The following RAB15 variants were observed in gnomAD, a reference collection of about 807,000 sequenced individuals.
RAB15 encodes the protein ras-related protein Rab-15.
RAB15 carries 13 observed loss-of-function variants against 31.8 expected under a neutral mutation model. The ratio of observed to expected loss-of-function variants is 0.41; its 90% CI spans 0.27 to 0.65. RAB15 has a LOEUF of 0.65. RAB15 is among the 30% of genes least tolerant of loss of function. RAB15 has a pLI of 0.32. For missense variants in RAB15, 220 were observed against 277.3 expected (o/e 0.79, Z 1.47); for synonymous variants, 100 against 105.6 (o/e 0.95, Z 0.33).
chr14:64,965,326 G>C (rs1033560088), intron 1 of RAB15, among the ~76,000 whole-genome samples: 5 of 151,976 alleles, frequency 3.3e-5, no homozygotes, highest in Admixed American at 6.6e-5. Flanking sequence ...AGGTGTGGTG[G>C]TGCATGCTTG....
Position 64,954,057 on chromosome 14 carries a change from G to C in RAB15, c.125-1486C>G. The C allele has an allele frequency of 1.0e-6, 1 of 985,414 alleles. No homozygotes were observed. The highest frequency in any genetic ancestry group is 1.2e-6 in the Non-Finnish European group (1 of 829,930). The allele number at this position is 985,414 out of a possible 1,614,324, so 61.0% of individuals were successfully genotyped here. A position where few individuals can be genotyped will look rare whatever the true frequency, so the allele number is the denominator to read the frequency against. ...TCTGTCTCTTCCTTCCCACCATCAA[G>C]ACCAATCATCATTTAATTACAAGGG... On this transcript the variant is annotated intron_variant, in intron 1 of 6. Coordinates refer to ENST00000533601, the MANE Select transcript of RAB15 (RefSeq NM_001308154.2). This position sits in a 1 kb window ranked among gnomAD's most constrained non-coding sequence, Gnocchi z 4.3.
At position 64,951,590 on chromosome 14, in the gene RAB15, T is replaced by C; in HGVS notation, c.246+13A>G. On this transcript the variant is annotated intron_variant, in intron 3 of 6. Coordinates refer to ENST00000533601, the MANE Select transcript of RAB15 (RefSeq NM_001308154.2). The surrounding 1 kb of genome is among the most constrained non-coding windows in gnomAD (Gnocchi z 7.2). The stretch of plus-strand genomic sequence containing the variant: ...CAGCTTCCCACTTTGAAACCCCCAA[T>C]GTGGTGGCTTACCTGGGCCCGCCGA... The C allele has an allele frequency of 1.2e-6, 2 of 1,612,924 alleles. No individual in the cohort carries two copies. The highest frequency in any genetic ancestry group is 8.5e-7 in the Non-Finnish European group (1 of 1,178,936).
rs1217013828 is a variant in RAB15, at chr14:64,953,104, G to A, written c.125-533C>T. Reference sequence around the variant, plus strand: ...ATTGTACCTGAAGCCTCAGCACCCAGCCAAGGCTCACCAAAAAGAAGGCCT... The same window carrying A: ...ATTGTACCTGAAGCCTCAGCACCCAACCAAGGCTCACCAAAAAGAAGGCCT... On this transcript the variant is annotated intron_variant, in intron 1 of 6. Coordinates refer to ENST00000533601, the MANE Select transcript of RAB15 (RefSeq NM_001308154.2). This position sits in a 1 kb window ranked among gnomAD's most constrained non-coding sequence, Gnocchi z 4.6. Among the ~76,000 whole-genome samples the A allele has an allele frequency of 2.0e-5, 3 of 152,168 alleles. No homozygotes were observed. The highest frequency in any genetic ancestry group is 4.4e-5 in the Non-Finnish European group (3 of 68,034).
Position 64,954,575 on chromosome 14 carries a change from C to T in RAB15, c.125-2004G>A. ...AACATTTATGGGAACTTCCTATGTGCCCTGCACAGTGCTCAGTGCAGACAG... is the reference window on the plus strand; with the variant it reads ...AACATTTATGGGAACTTCCTATGTGTCCTGCACAGTGCTCAGTGCAGACAG... On this transcript the variant is annotated intron_variant, in intron 1 of 6. Coordinates refer to ENST00000533601, the MANE Select transcript of RAB15 (RefSeq NM_001308154.2). This position sits in a 1 kb window ranked among gnomAD's most constrained non-coding sequence, Gnocchi z 4.3. 1.0e-6 allele frequency: 1 copy of T among 957,410 alleles called. No homozygotes were observed. Among genetic ancestry groups the T allele is most frequent in the Non-Finnish European group, 1.2e-6 (1 of 804,506 alleles). 59.3% of individuals were successfully genotyped at this position (957,410 alleles called of 1,614,324 possible).
intron 5 of RAB15, among the ~76,000 whole-genome samples, chr14:64,949,459 G>A (rs748757267): frequency 6.6e-6 from 1 of 152,168 alleles, no homozygotes; most frequent in Non-Finnish European, 1.5e-5. Flanking sequence ...AGTGGCTCAC[G>A]CCTGTAATCC....
intron 5 of RAB15, among the ~76,000 whole-genome samples, chr14:64,949,927 G>A (rs1886154503): frequency 1.3e-5 from 2 of 152,014 alleles, no homozygotes; most frequent in African/African-American, 4.8e-5. Flanking sequence ...ACAGGAGTGG[G>A]GGAGTGTTGG....
At position 64,951,181 on chromosome 14, in the gene RAB15, T is replaced by G; in HGVS notation, c.247-30A>C. On this transcript the variant is annotated intron_variant, in intron 3 of 6. Coordinates refer to ENST00000533601, the MANE Select transcript of RAB15 (RefSeq NM_001308154.2). This position sits in a 1 kb window ranked among gnomAD's most constrained non-coding sequence, Gnocchi z 7.2. ...GAGAGAGAGAAATAGAGAGATGTGA[T>G]ATGCACAGAGAGAGTGCAGTCATGG... The G allele has an allele frequency of 1.3e-6, 2 of 1,560,962 alleles. No individual in the cohort carries two copies. Among genetic ancestry groups the G allele is most frequent in the Non-Finnish European group, 1.8e-6 (2 of 1,135,770 alleles).
At position 64,968,598 on chromosome 14, in the gene RAB15, C is replaced by G. The variant is rs907041675; in HGVS notation, c.124+3355G>C. On this transcript the variant is annotated intron_variant, in intron 1 of 6. Transcript: ENST00000533601. This position sits in a 1 kb window ranked among gnomAD's most constrained non-coding sequence, Gnocchi z 4.9. ...TGAAGAGTGATTCACCAAGTTCTTT[C>G]AGATATCTCATTTTGGCACTAGCTC... 6.6e-6 allele frequency among the ~76,000 whole-genome samples: 1 copy of G among 152,216 alleles called. No individual in the cohort carries two copies. The highest frequency in any genetic ancestry group is 1.5e-5 in the Non-Finnish European group (1 of 68,040).
Position 64,948,615 on chromosome 14 carries a change from C to T in RAB15, c.480+53G>A, listed in dbSNP as rs1886054038. 3 of 1,612,114 alleles carry T rather than the reference C, an allele frequency of 1.9e-6. No individual in the cohort carries two copies. Among genetic ancestry groups the T allele is most frequent in the African/African-American group, 1.3e-5 (1 of 74,872 alleles). On this transcript the variant is annotated intron_variant, in intron 6 of 6. Coordinates refer to ENST00000533601, the MANE Select transcript of RAB15 (RefSeq NM_001308154.2). The surrounding 1 kb of genome is among the most constrained non-coding windows in gnomAD (Gnocchi z 7.0). ...GTCCATCTTATGGCTCCTCCTCCCA[C>T]CTCTGCTGGACTCAGCCCGAGAGAG...
rs142367920 is a variant in RAB15, at chr14:64,949,354, T to C, written c.415-621A>G. Among the ~76,000 whole-genome samples the C allele has an allele frequency of 1.2e-4, 18 of 152,340 alleles. No homozygotes were observed. The East Asian group carries it at 3.1e-3, about 26-fold the overall frequency. ...CAATCAATTTCATTTTAAGTACTAA[T>C]GGAACGCTATTGACTGAAAAGGGAG... is the stretch of plus-strand genomic sequence containing the variant. On this transcript the variant is annotated intron_variant, in intron 5 of 6. Coordinates refer to ENST00000533601, the MANE Select transcript of RAB15 (RefSeq NM_001308154.2).
rs2139993972 is a variant in RAB15 at position 64,962,748 on chromosome 14, T to C, written c.124+9205A>G. ...AAGAGGGTCAACAGTACTCTCTCCTTTGTTACAAAAGGGGAACTGCAGCAA... is the reference window on the plus strand; with the variant it reads ...AAGAGGGTCAACAGTACTCTCTCCTCTGTTACAAAAGGGGAACTGCAGCAA... On this transcript the variant is annotated intron_variant, in intron 1 of 6. Transcript: ENST00000533601. This position sits in a 1 kb window ranked among gnomAD's most constrained non-coding sequence, Gnocchi z 4.2. Among the ~76,000 whole-genome samples, 1 of 152,308 alleles carries C rather than the reference T, an allele frequency of 6.6e-6. No homozygotes were observed. The highest frequency in any genetic ancestry group is 1.5e-5 in the Non-Finnish European group (1 of 68,030).
chr14:64,951,150 C>T lies in RAB15; in HGVS notation c.248G>A (p.Gly83Glu), dbSNP rs1886226816. 1 of 1,610,254 alleles carries T rather than the reference C, an allele frequency of 6.2e-7. No homozygotes were observed. The highest frequency in any genetic ancestry group is 8.5e-7 in the Non-Finnish European group (1 of 1,178,440). The change falls in exon 4 of 7, where the codon GGG becomes GAG. Residue 83 changes from glycine (G) to glutamate (E), a missense_variant and splice_region_variant. Transcript: ENST00000533601. This position sits in a 1 kb window ranked among gnomAD's most constrained non-coding sequence, Gnocchi z 7.2. Reference sequence around the variant, plus strand: ...GCTAATGTCATAGACCAAAAATATCCCCTGAGAGAGAGAGAAATAGAGAGA... The same window carrying T: ...GCTAATGTCATAGACCAAAAATATCTCCTGAGAGAGAGAGAAATAGAGAGA... ...ITKQYYRRAQ[G>E]IFLVYDISSE... is the part of the protein sequence containing the mutation.
Position 64,961,914 on chromosome 14 carries a change from T to TAAA in RAB15, c.125-9346_125-9344dup, listed in dbSNP as rs528884423. ...TGGGAGACAGTGCAAGACTCTGTCT[T>TAAA]AAAAAAAAAAAAAAAACAGGCCGGG... is the stretch of plus-strand genomic sequence containing the variant. On this transcript the variant is annotated intron_variant, in intron 1 of 6. Transcript: ENST00000533601. 1.6e-3 allele frequency among the ~76,000 whole-genome samples: 208 copies of TAAA among 131,602 alleles called. 2 individuals are homozygous for TAAA. Among genetic ancestry groups the TAAA allele is most frequent in the South Asian group, 9.9e-3 (40 of 4,036 alleles). 86.3% of individuals were successfully genotyped at this position (131,602 alleles called of 152,430 possible).
Position 64,954,052 on chromosome 14 carries a change from A to G in RAB15, c.125-1481T>C. 7 of 985,444 alleles carry G rather than the reference A, an allele frequency of 7.1e-6. No homozygotes were observed. The highest frequency in any genetic ancestry group is 1.1e-4 in the East Asian group (1 of 8,814). 61.0% of individuals were successfully genotyped at this position (985,444 alleles called of 1,614,324 possible). A position where few individuals can be genotyped will look rare whatever the true frequency, so the allele number is the denominator to read the frequency against. On this transcript the variant is annotated intron_variant, in intron 1 of 6. Coordinates refer to ENST00000533601, the MANE Select transcript of RAB15 (RefSeq NM_001308154.2). The surrounding 1 kb of genome is among the most constrained non-coding windows in gnomAD (Gnocchi z 4.3). ...TAAATTCTGTCTCTTCCTTCCCACC[A>G]TCAAGACCAATCATCATTTAATTAC...
In RAB15 at chr14:64,950,809, T is replaced by C. The variant is rs563543769; in HGVS notation, c.324+265A>G. ...CTTGCAACTCCACCTGGTCCCAAGA[T>C]TTCAGGAAAGAAGCTGCTCACAGGG... On this transcript the variant is annotated intron_variant, in intron 4 of 6. Coordinates refer to ENST00000533601, the MANE Select transcript of RAB15 (RefSeq NM_001308154.2). This position sits in a 1 kb window ranked among gnomAD's most constrained non-coding sequence, Gnocchi z 5.6. 6.9e-4 allele frequency: 472 copies of C among 679,792 alleles called. 1 individual carries two copies. Among genetic ancestry groups the C allele is most frequent in the Non-Finnish European group, 1.0e-3 (413 of 394,000 alleles). The allele number at this position is 679,792 out of a possible 1,614,324, so 42.1% of individuals were successfully genotyped here.
intron 1 of RAB15, among the ~76,000 whole-genome samples, chr14:64,966,161 A>G (rs1486432489): frequency 6.6e-6 from 1 of 151,874 alleles, no homozygotes; most frequent in Non-Finnish European, 1.5e-5. Context: ...CTTCCTATGC[A>G]CTCCCTTGGA....
At chr14:64,964,762 A>T (rs1310044374) in intron 1 of RAB15, among the ~76,000 whole-genome samples, 1 of 151,840 alleles carries the variant, frequency 6.6e-6, no homozygotes, top group African/African-American at 2.4e-5. Flanking sequence ...TTTTTAGTAG[A>T]GATGAGGTTT....
rs1457434057 is a variant in RAB15 at position 64,971,113 on chromosome 14, C to T, written c.124+840G>A. ...CTACTCAGACTTCTCAGGGAGGGGG[C>T]CCCTCACAGCCTAGAAGCGGGAGAC... On this transcript the variant is annotated intron_variant, in intron 1 of 6. Coordinates refer to ENST00000533601, the MANE Select transcript of RAB15 (RefSeq NM_001308154.2). This position sits in a 1 kb window ranked among gnomAD's most constrained non-coding sequence, Gnocchi z 4.1. Among the ~76,000 whole-genome samples the T allele has an allele frequency of 6.6e-6, 1 of 152,166 alleles. No individual in the cohort carries two copies. Among genetic ancestry groups the T allele is most frequent in the Admixed American group, 6.5e-5 (1 of 15,280 alleles).
chr14:64,950,466 A>C lies in RAB15; in HGVS notation c.325-52T>G. The C allele has an allele frequency of 6.9e-7, 1 of 1,458,720 alleles. No individual in the cohort carries two copies. Among genetic ancestry groups the C allele is most frequent in the Non-Finnish European group, 9.6e-7 (1 of 1,041,234 alleles). The allele number at this position is 1,458,720 out of a possible 1,614,324, so 90.4% of individuals were successfully genotyped here. ...CCAGTGAGTGCTGCCTGCCCCCCCA[A>C]TTTTCCCTACAGAGTCTGCACTGCC... On this transcript the variant is annotated intron_variant, in intron 4 of 6. Transcript: ENST00000533601. This position sits in a 1 kb window ranked among gnomAD's most constrained non-coding sequence, Gnocchi z 5.6.
Sources: gnomAD v4.1 joint callset for allele counts (sites outside exome capture counted in the v4.1 genomes callset) on GRCh38, gnomAD v4.1.1 for gene constraint, Gnocchi (gnomAD v3.1) non-coding constraint, MANE v1.5 for transcripts, NCBI Gene and HGNC (gene_info 2026-07-23, HGNC 2026-07-21) for gene names.